Variants in STAC observed in about 807,000 individuals in gnomAD.
STAC encodes SH3 and cysteine-rich domain-containing protein.
Under a neutral mutation model 48.8 loss-of-function variants are expected in STAC, and 43 were observed. The observed-to-expected ratio is 0.88, with a 90% CI of 0.69 to 1.14. The LOEUF (loss-of-function observed/expected upper bound fraction) is 1.14. Among genes scored for constraint, STAC ranks in the 50% most tolerant of loss-of-function variants. The pLI is 0.00. For synonymous variants in STAC, 193 were observed against 179.5 expected (o/e 1.07, Z -0.60); for missense variants, 497 against 504.0 (o/e 0.99, Z 0.13).
rs569490615 is a variant in STAC, at chr3:36,539,293, T to C, written c.1111-6898T>C. ...CTGGGGTTTTGTTGTACAGATTATT[T>C]CCTCACCTAGGTATTAAGCCTAGCA... On this transcript the variant is annotated intron_variant, in intron 10 of 10. Transcript: ENST00000273183. Among the ~76,000 whole-genome samples the C allele has an allele frequency of 7.2e-5, 11 of 152,162 alleles. No individual in the cohort carries two copies. In the South Asian group the frequency reaches 1.9e-3, roughly 26 times the overall value.
At chr3:36,456,502 C>G (rs942014966) in intron 2 of STAC, among the ~76,000 whole-genome samples, 1 of 152,166 alleles carries the variant, frequency 6.6e-6, no homozygotes, top group African/African-American at 2.4e-5. Context: ...TTTGCTTCTT[C>G]CCTGTCTTAA....
chr3:36,384,393 T>A lies in STAC; in HGVS notation c.111+3639T>A, dbSNP rs143810082. ...CAAAGCCTCAGCTTCCTCATGGGGA[T>A]GCTGATGGGGCTGCTACTACCCAAT... On this transcript the variant is annotated intron_variant, in intron 1 of 10. Coordinates refer to ENST00000273183, the MANE Select transcript of STAC (RefSeq NM_003149.3). 1.8e-3 allele frequency among the ~76,000 whole-genome samples: 277 copies of A among 152,252 alleles called. 2 individuals carry two copies. The highest frequency in any genetic ancestry group is 6.3e-3 in the African/African-American group (260 of 41,572).
chr3:36,477,115 A>G (rs988895620), intron 2 of STAC, among the ~76,000 whole-genome samples: 17 of 152,206 alleles, frequency 1.1e-4, no homozygotes, highest in African/African-American at 3.6e-4. Context: ...TTCTTAAATC[A>G]TAGTAAAGAG....
At chr3:36,532,763 G>C (rs919250988) in intron 10 of STAC, among the ~76,000 whole-genome samples, 2 of 152,088 alleles carry the variant, frequency 1.3e-5, no homozygotes, top group African/African-American at 4.8e-5. Flanking sequence ...TCTGCTTTTT[G>C]AAAGAGAACA....
intron 1 of STAC, among the ~76,000 whole-genome samples, chr3:36,426,457 A>G (rs1035128403): frequency 6.6e-6 from 1 of 152,236 alleles, no homozygotes; most frequent in Non-Finnish European, 1.5e-5. Context: ...TAAATCTAAC[A>G]TGTAGCTTTA....
intron 2 of STAC, among the ~76,000 whole-genome samples, chr3:36,456,185 A>C (rs1696850411): frequency 6.6e-6 from 1 of 152,172 alleles, no homozygotes; most frequent in African/African-American, 2.4e-5. Flanking sequence ...TTTGCAATCT[A>C]AGATCCAGAC....
In STAC at chr3:36,493,229, G is replaced by T. The variant is rs200833452; in HGVS notation, c.766G>T (p.Val256Leu). The T allele has an allele frequency of 6.2e-7, 1 of 1,612,908 alleles. No homozygotes were observed. Reference sequence around the variant, plus strand: ...TGACCTAAGGAAACGCAGCAACAGCGGTGAGTGAGGGAGTTGGCACAGCAC... The same window carrying T: ...TGACCTAAGGAAACGCAGCAACAGCTGTGAGTGAGGGAGTTGGCACAGCAC... ...GYDLRKRSNS[V>L]FTYPENGTDD... Residue 256 changes from valine (V) to leucine (L), a missense_variant and splice_region_variant, in exon 6 of 11, where the codon GTG becomes TTG. Physicochemically the swap from Val to Leu is conservative, Grantham distance 32 (BLOSUM62 1). Transcript: ENST00000273183.
intron 8 of STAC, among the ~76,000 whole-genome samples, chr3:36,526,802 G>C (rs551423139): frequency 6.6e-6 from 1 of 152,174 alleles, no homozygotes; most frequent in Non-Finnish European, 1.5e-5. Context: ...GAACTGTGTT[G>C]AGATAACTCT....
intron 1 of STAC, among the ~76,000 whole-genome samples, chr3:36,389,689 T>C (rs141426724): frequency 6.6e-6 from 1 of 152,314 alleles, no homozygotes; most frequent in Non-Finnish European, 1.5e-5. Context: ...AATACAATGT[T>C]GCTTACTAGT....
chr3:36,444,591 G>T (rs1305635319), intron 2 of STAC, among the ~76,000 whole-genome samples: 1 of 152,192 alleles, frequency 6.6e-6, no homozygotes, highest in East Asian at 1.9e-4. Context: ...TTAGTCTACT[G>T]GCATTTCGTT....
chr3:36,499,969 T>C (rs1698243355), intron 6 of STAC, among the ~76,000 whole-genome samples: 1 of 152,190 alleles, frequency 6.6e-6, no homozygotes, highest in African/African-American at 2.4e-5. Context: ...GTTCACTTCA[T>C]CTGAAGATAT....
At chr3:36,486,473 C>T (rs559284055) in intron 5 of STAC, among the ~76,000 whole-genome samples, 4 of 152,300 alleles carry the variant, frequency 2.6e-5, no homozygotes, top group African/African-American at 9.6e-5. Flanking sequence ...AAGACCATCC[C>T]CTTGGCCTCA....
At chr3:36,458,069 G>A (rs964608963) in intron 2 of STAC, among the ~76,000 whole-genome samples, 4 of 152,142 alleles carry the variant, frequency 2.6e-5, no homozygotes, top group Non-Finnish European at 5.9e-5. Flanking sequence ...AAGGAGTGGG[G>A]AACATAGGCA....
chr3:36,448,883 G>C (rs1696596080), intron 2 of STAC, among the ~76,000 whole-genome samples: 1 of 135,408 alleles, frequency 7.4e-6, no homozygotes, highest in African/African-American at 2.9e-5. Context: ...CTTAAGACCA[G>C]CCTGGGCAAA....
At chr3:36,436,749 C>A (rs1700843503) in intron 1 of STAC, among the ~76,000 whole-genome samples, 1 of 152,152 alleles carries the variant, frequency 6.6e-6, no homozygotes. Flanking sequence ...TCTATCTCCA[C>A]CCACTAGACC....
In STAC at chr3:36,428,322, T is replaced by G. The variant is rs144851025; in HGVS notation, c.112-15042T>G. ...ATAAGAGATCCTGATGCTTGCAGTT[T>G]ATTCCCAAACAGATCAGTGATGATA... On this transcript the variant is annotated intron_variant, in intron 1 of 10. Coordinates refer to ENST00000273183, the MANE Select transcript of STAC (RefSeq NM_003149.3). Among the ~76,000 whole-genome samples, 65 of 152,358 alleles carry G rather than the reference T, an allele frequency of 4.3e-4. No individual in the cohort carries two copies. In the East Asian group the frequency reaches 0.013, roughly 29 times the overall value.
chr3:36,440,908 C>T (rs1350258172), intron 1 of STAC, among the ~76,000 whole-genome samples: 2 of 152,100 alleles, frequency 1.3e-5, no homozygotes, highest in Non-Finnish European at 2.9e-5. Context: ...GACAAGAGTA[C>T]TGAGCACCAT....
chr3:36,535,414 A>C (rs1342914515), intron 10 of STAC, among the ~76,000 whole-genome samples: 1 of 152,204 alleles, frequency 6.6e-6, no homozygotes, highest in Non-Finnish European at 1.5e-5. Flanking sequence ...TGACATCTGC[A>C]AACAGAGACA....
At chr3:36,493,493 T>C (rs1008517512) in intron 6 of STAC, among the ~76,000 whole-genome samples, 2 of 151,874 alleles carry the variant, frequency 1.3e-5, no homozygotes, top group Non-Finnish European at 2.9e-5. Flanking sequence ...TACATATATA[T>C]ATATATAAAC....
Sources: allele counts gnomAD v4.1 joint callset (sites outside exome capture counted in the v4.1 genomes callset), GRCh38; gene constraint gnomAD v4.1.1; transcripts MANE v1.5; gene names NCBI Gene and HGNC (gene_info 2026-07-23, HGNC 2026-07-21).